Variants in DHX37 observed in about 807,000 individuals in gnomAD.
DHX37 encodes the protein probable ATP-dependent RNA helicase DHX37.
Under a neutral mutation model 134.3 loss-of-function variants are expected in DHX37, and 52 were observed. That is an observed-to-expected ratio of 0.39 (90% confidence interval 0.31 to 0.49). The LOEUF is 0.49. Among genes scored for constraint, DHX37 ranks in the 20% least tolerant of loss-of-function variants. The pLI is 0.93. For missense variants in DHX37, 1,344 were observed against 1,580.8 expected, an observed-to-expected ratio of 0.85 and a Z score of 2.54; for synonymous variants, 634 against 670.7, an observed-to-expected ratio of 0.95 and a Z score of 0.85.
At chr12:124,983,007 G>A (rs971751565) in intron 2 of DHX37, among the ~76,000 whole-genome samples, 5 of 152,192 alleles carry the variant, frequency 3.3e-5, no homozygotes, top group Non-Finnish European at 7.3e-5. Flanking sequence ...GAGCTACCCT[G>A]AGCAATGCTG....
rs370842676 is a variant in DHX37 at position 124,950,186 on chromosome 12, C to T, written c.3179G>A (p.Arg1060His). The T allele has an allele frequency of 3.7e-5, 59 of 1,614,080 alleles. No homozygotes were observed. The highest frequency in any genetic ancestry group is 3.3e-4 in the Middle Eastern group (2 of 6,062). ...CAGGAACCGGGCAAAGTGCTTGTAG[C>T]GGTCAATCCCCTCTGGAAAATCCAC... The part of the protein sequence containing the change: ...IEVDFPEGID[R>H]YKHFARFLLE... The change falls in exon 24 of 27, where the codon CGC (arginine) becomes CAC (histidine). Residue 1060 changes from arginine (R) to histidine (H), a missense_variant. By Grantham distance (29) the Arg-to-His change is conservative. Transcript: ENST00000308736.
At chr12:124,968,145 A>G (rs1464856227) in intron 10 of DHX37, among the ~76,000 whole-genome samples, 1 of 152,120 alleles carries the variant, frequency 6.6e-6, no homozygotes, top group Non-Finnish European at 1.5e-5. Context: ...CATCCATTTC[A>G]GTAACATGAG....
At chr12:124,982,169 G>A (rs1427117846) in intron 3 of DHX37, among the ~76,000 whole-genome samples, 1 of 150,594 alleles carries the variant, frequency 6.6e-6, no homozygotes, top group Non-Finnish European at 1.5e-5. Context: ...AACCAAACCC[G>A]CTGATGGGCC....
intron 6 of DHX37, 35 bp downstream of exon 6, chr12:124,975,384 C>A: frequency 6.2e-7 from 1 of 1,606,346 alleles, no homozygotes; most frequent in Non-Finnish European, 8.5e-7. Context: ...CACAGGACCA[C>A]CCCATAGTCC....
rs867266502 is a variant in DHX37 at position 124,953,653 on chromosome 12, G to A, written c.2695+227C>T. The A allele has an allele frequency of 2.0e-5, 14 of 715,662 alleles. No individual in the cohort carries two copies. In the African/African-American group the frequency reaches 2.2e-4, roughly 11 times the overall value. The allele number at this position is 715,662 out of a possible 1,614,324, so 44.3% of individuals were successfully genotyped here. ...AAAAGGTGAAACCGAGCGACGACCT[G>A]GTGGGGGAGGGTGCAGGCTGGCAGC... On this transcript the variant is annotated intron_variant, in intron 20 of 26. Transcript: ENST00000308736.
intron 23 of DHX37, 74 bp downstream of exon 23, chr12:124,950,339 G>C: frequency 6.3e-7 from 1 of 1,598,236 alleles, no homozygotes; most frequent in Non-Finnish European, 8.5e-7. Flanking sequence ...CCGGGGGCAG[G>C]GGACAGGACC....
intron 2 of DHX37, among the ~76,000 whole-genome samples, chr12:124,985,580 C>CAAA (rs11327017): frequency 8.6e-6 from 1 of 115,952 alleles, no homozygotes. Context: ...ACTAAAAATA[C>CAAA]AAAAAAAAAA....
intron 6 of DHX37, among the ~76,000 whole-genome samples, chr12:124,974,176 G>T (rs61942956): frequency 7.0e-6 from 1 of 142,816 alleles, no homozygotes; most frequent in Non-Finnish European, 1.5e-5. Flanking sequence ...GGATGGTCTC[G>T]ATCTCCTGAC....
In DHX37 at chr12:124,953,557, G is replaced by A. The variant is rs924684801; in HGVS notation, c.2695+323C>T. On this transcript the variant is annotated intron_variant, in intron 20 of 26. Transcript: ENST00000308736. Reference sequence around the variant, plus strand: ...CATCCTTCTGCATGAGAAGGGTCTGGGGGACATGTGGGAGGGAAGAGGGGT... The same window carrying A: ...CATCCTTCTGCATGAGAAGGGTCTGAGGGACATGTGGGAGGGAAGAGGGGT... 7 of 356,252 alleles carry A rather than the reference G, an allele frequency of 2.0e-5. No individual in the cohort carries two copies. The East Asian group carries it at 4.7e-4, about 24-fold the overall frequency. 22.1% of individuals were successfully genotyped at this position (356,252 alleles called of 1,614,324 possible).
At chr12:124,965,239 C>G (rs10846789) in intron 13 of DHX37, among the ~76,000 whole-genome samples, 1 of 152,022 alleles carries the variant, frequency 6.6e-6, no homozygotes. Flanking sequence ...CTGTGCTGCA[C>G]AATCTCCTCC....
At chr12:124,974,076 C>A (rs1002655571) in intron 6 of DHX37, among the ~76,000 whole-genome samples, 64 of 152,104 alleles carry the variant, frequency 4.2e-4, no homozygotes, top group African/African-American at 1.4e-3. Context: ...GCCTCAGCCT[C>A]CCGAGTAGCT....
At chr12:124,978,111 C>A (rs1035207789) in intron 4 of DHX37, among the ~76,000 whole-genome samples, 1 of 151,920 alleles carries the variant, frequency 6.6e-6, no homozygotes, top group Middle Eastern at 3.4e-3. Flanking sequence ...CAGGCACATG[C>A]CACCACGCCC....
intron 18 of DHX37, 83 bp from the exon 19 acceptor site, chr12:124,954,294 G>T (rs920164504): frequency 8.7e-5 from 131 of 1,501,010 alleles, no homozygotes; most frequent in Non-Finnish European, 1.1e-4. Context: ...TTATTCATCG[G>T]GACAGGCTCA....
chr12:124,975,910 G>A (rs903764062), intron 5 of DHX37, among the ~76,000 whole-genome samples: 1 of 152,202 alleles, frequency 6.6e-6, no homozygotes, highest in Non-Finnish European at 1.5e-5. Flanking sequence ...TGCTGACGGG[G>A]CTGGCCCTCG....
chr12:124,957,798 A>C (rs1954128603), intron 16 of DHX37, among the ~76,000 whole-genome samples: 1 of 152,100 alleles, frequency 6.6e-6, no homozygotes, highest in South Asian at 2.1e-4. Flanking sequence ...AAATAGTAAT[A>C]ATAACGTGAA....
intron 16 of DHX37, among the ~76,000 whole-genome samples, chr12:124,959,583 A>G (rs1394999587): frequency 6.6e-6 from 1 of 152,206 alleles, no homozygotes; most frequent in Non-Finnish European, 1.5e-5. Flanking sequence ...GTAACATATC[A>G]GACAATATTC....
At chr12:124,962,754 T>C (rs1282748664) in intron 15 of DHX37, among the ~76,000 whole-genome samples, 1 of 152,146 alleles carries the variant, frequency 6.6e-6, no homozygotes, top group Non-Finnish European at 1.5e-5. Context: ...GGAGAACTGC[T>C]TGAACCCAGG....
chr12:124,950,386 G>A, intron 23 of DHX37, 27 bp downstream of exon 23: 1 of 1,597,026 alleles, frequency 6.3e-7, no homozygotes, highest in Non-Finnish European at 8.5e-7. Context: ...GGAGGCTCAG[G>A]TTGCCCAGGA....
chr12:124,974,526 C>T (rs1168211886), intron 6 of DHX37, among the ~76,000 whole-genome samples: 1 of 149,838 alleles, frequency 6.7e-6, no homozygotes, highest in African/African-American at 2.5e-5. Context: ...GTCTGGTCCA[C>T]CACCACGTCC....
Sources: allele counts gnomAD v4.1 joint callset (sites outside exome capture counted in the v4.1 genomes callset), GRCh38; gene constraint gnomAD v4.1.1; transcripts MANE v1.5; gene names NCBI Gene and HGNC (gene_info 2026-07-23, HGNC 2026-07-21).